LYST: variants seen among roughly 807,000 people sequenced by gnomAD.
LYST encodes lysosomal-trafficking regulator.
Under a neutral mutation model 413.6 loss-of-function variants are expected in LYST, and 192 were observed. The observed-to-expected ratio is 0.46, with a 90% CI of 0.41 to 0.52. LYST has a LOEUF of 0.52. Ranked by LOEUF, LYST falls within the 20% of genes least tolerant of loss-of-function variation. LYST has a pLI of 0.00. For synonymous variants in LYST, 1,525 were observed against 1,567.3 expected (o/e 0.97, Z 0.64); for missense variants, 3,815 against 4,499.9 (o/e 0.85, Z 4.35).
chr1:235,810,149 A>G lies in LYST; in HGVS notation c.669T>C (p.Asn223=), dbSNP rs775167742. The change falls in exon 5 of 53, where the codon AAT becomes AAC. Residue 223 remains asparagine, a synonymous_variant. Transcript: ENST00000389793. ...QTPPDAMALE[N]SREIIPRQGS... is the part of the protein sequence containing the mutation. ...CCTGTCTTGGAATAATCTCTCTGGA[A>G]TTTTCCAAAGCCATAGCATCTGGAG... 6.2e-7 allele frequency: 1 copy of G among 1,614,150 alleles called. No homozygotes were observed. Among genetic ancestry groups the G allele is most frequent in the Non-Finnish European group, 8.5e-7 (1 of 1,179,998 alleles).
chr1:235,712,079 T>C lies in LYST; in HGVS notation c.9903A>G (p.Pro3301=). ...KELIPEFFYL[P]EFLVNREGFD... ...TACCTTCACGGTTAACTAGGAACTCTGGAAGATAGAAAAACTCTGGGATAA... is the reference window on the plus strand; with the variant it reads ...TACCTTCACGGTTAACTAGGAACTCCGGAAGATAGAAAAACTCTGGGATAA... The change falls in exon 43 of 53, where the codon CCA becomes CCG. Residue 3301 remains proline (P), a synonymous_variant. Transcript: ENST00000389793. 1 of 1,546,710 alleles carries C rather than the reference T, an allele frequency of 6.5e-7. No homozygotes were observed. The highest frequency in any genetic ancestry group is 1.2e-5 in the South Asian group (1 of 83,544).
intron 31 of LYST, chr1:235,738,366 A>G: frequency 6.2e-7 from 1 of 1,612,746 alleles, no homozygotes; most frequent in Non-Finnish European, 8.5e-7. Context: ...ATCATTCCTA[A>G]TGTTGTAAAA....
intron 10 of LYST, among the ~76,000 whole-genome samples, chr1:235,795,312 C>T (rs1671441858): frequency 6.6e-6 from 1 of 152,182 alleles, no homozygotes; most frequent in East Asian, 1.9e-4. Flanking sequence ...CAGGTGTATA[C>T]AGGCTTTTAG....
chr1:235,821,302 T>C (rs551350186), intron 3 of LYST, among the ~76,000 whole-genome samples: 7 of 152,264 alleles, frequency 4.6e-5, no homozygotes, highest in African/African-American at 1.7e-4. Flanking sequence ...CTGGGCATAG[T>C]GATACATGCC....
Position 235,759,568 on chromosome 1 carries a change from C to A in LYST, c.6285G>T (p.Gln2095His). Reference sequence around the variant, plus strand: ...TAGAACGCAGCATATGGGCGGCCATCTGTTGTGGAATAATATTAGAGGAAT... The same window carrying A: ...TAGAACGCAGCATATGGGCGGCCATATGTTGTGGAATAATATTAGAGGAAT... ...GENSSNIIPQ[Q>H]MAAHMLRSRS... Residue 2095 changes from glutamine to histidine, a missense_variant, in exon 23 of 53, where the codon CAG (glutamine) becomes CAT (histidine). Around this residue, in one of 4 missense-constraint regions of LYST, gnomAD observed 530 missense variants for 696.5 expected, o/e 0.76. Transcript: ENST00000389793. The A allele has an allele frequency of 6.2e-7, 1 of 1,613,506 alleles. No homozygotes were observed. Among genetic ancestry groups the A allele is most frequent in the Non-Finnish European group, 8.5e-7 (1 of 1,179,568 alleles).
intron 45 of LYST, among the ~76,000 whole-genome samples, chr1:235,697,596 T>C (rs1305406114): frequency 6.6e-6 from 1 of 152,214 alleles, no homozygotes; most frequent in Non-Finnish European, 1.5e-5. Flanking sequence ...CTAAAGTTGA[T>C]ACTTACTGGA....
At chr1:235,791,341 C>T (rs192338243) in intron 12 of LYST, among the ~76,000 whole-genome samples, 14 of 151,748 alleles carry the variant, frequency 9.2e-5, no homozygotes, top group African/African-American at 3.4e-4. Flanking sequence ...TGGGAAACAA[C>T]AGAAAGAAAG....
chr1:235,867,961 A>T (rs1001451976), upstream of LYST, among the ~76,000 whole-genome samples: 1 of 152,188 alleles, frequency 6.6e-6, no homozygotes, highest in Non-Finnish European at 1.5e-5. Context: ...TATATACCAA[A>T]TGTTACTCCC....
chr1:235,723,749 G>A (rs1022091910), intron 39 of LYST, among the ~76,000 whole-genome samples: 50 of 152,162 alleles, frequency 3.3e-4, no homozygotes, highest in Non-Finnish European at 2.1e-4. Context: ...AATGGTGGCC[G>A]AAGGGATTAG....
upstream of LYST, chr1:235,866,947 A>T (rs967439742): frequency 1.7e-4 from 13 of 77,210 alleles, 1 homozygote; most frequent in Admixed American, 1.5e-3. Flanking sequence ...CCGCCCGCCC[A>T]GGTAACCCAG....
chr1:235,810,581 A>G, intron 4 of LYST, 47 bp from the exon 5 acceptor site: 3 of 1,546,062 alleles, frequency 1.9e-6, no homozygotes, highest in Non-Finnish European at 1.8e-6. Context: ...ATATGTTTTA[A>G]AACTCAATTT....
chr1:235,687,554 T>G (rs934778752), intron 47 of LYST, among the ~76,000 whole-genome samples: 2 of 152,148 alleles, frequency 1.3e-5, no homozygotes, highest in African/African-American at 4.8e-5. Flanking sequence ...AAAGATGGGA[T>G]TATGCCTTTG....
chr1:235,875,644 T>C (rs1681101738), intron 1 of LYST, among the ~76,000 whole-genome samples: 1 of 152,080 alleles, frequency 6.6e-6, no homozygotes, highest in Non-Finnish European at 1.5e-5. Flanking sequence ...ATAAGAACTG[T>C]GCTACAGCCT....
chr1:235,787,542 T>C (rs1159665343), intron 13 of LYST, among the ~76,000 whole-genome samples, 169 bp from the exon 14 acceptor site: 1 of 152,188 alleles, frequency 6.6e-6, no homozygotes, highest in Non-Finnish European at 1.5e-5. Context: ...ATAAGTTACT[T>C]AGTTATTCTA....
At chr1:235,748,218 T>C (rs987005940) in intron 28 of LYST, among the ~76,000 whole-genome samples, 4 of 152,206 alleles carry the variant, frequency 2.6e-5, no homozygotes, top group African/African-American at 7.2e-5. Flanking sequence ...TGCGAGTGCA[T>C]GGCAATTTAA....
intron 47 of LYST, among the ~76,000 whole-genome samples, chr1:235,692,567 A>T (rs1660746012): frequency 6.6e-6 from 1 of 151,952 alleles, no homozygotes; most frequent in Admixed American, 6.5e-5. Flanking sequence ...TATTTTTAGT[A>T]GAGATGGGTT....
rs757224472 is a variant in LYST, at chr1:235,788,890, C to G, written c.4544-45G>C. ...GAATGATCAGTAAAATGGTTCGTAA[C>G]AACTGAGTAGAAAAGTGAATTTAGA... On this transcript the variant is annotated intron_variant, in intron 12 of 52. Transcript: ENST00000389793. 6 of 1,572,198 alleles carry G rather than the reference C, an allele frequency of 3.8e-6. No individual in the cohort carries two copies. In the African/African-American group the frequency reaches 8.1e-5, roughly 21 times the overall value.
Position 235,810,221 on chromosome 1 carries a change from G to A in LYST, c.597C>T (p.Asp199=). The A allele has an allele frequency of 6.2e-7, 1 of 1,614,054 alleles. No individual in the cohort carries two copies. Among genetic ancestry groups the A allele is most frequent in the Non-Finnish European group, 8.5e-7 (1 of 1,179,980 alleles). The change falls in exon 5 of 53, where the codon GAC becomes GAT. Residue 199 remains aspartate, a synonymous_variant. Coordinates refer to ENST00000389793, the MANE Select transcript of LYST (RefSeq NM_000081.4). ...HHFLTSFPKQ[D]HPKAKLDRLA... ...AGCGGTCAAGTTTAGCTTTGGGGTG[G>A]TCTTGTTTAGGAAACGATGTTAAAA... is the stretch of plus-strand genomic sequence containing the variant.
chr1:235,791,618 C>T (rs928330874), intron 12 of LYST, 81 bp downstream of exon 12: 1 of 1,173,280 alleles, frequency 8.5e-7, no homozygotes, highest in Non-Finnish European at 1.3e-6. Context: ...GTTAAGAACA[C>T]TACCACATTT....
Sources: allele counts gnomAD v4.1 joint callset (sites outside exome capture counted in the v4.1 genomes callset), GRCh38; gene constraint gnomAD v4.1.1; regional missense constraint gnomAD v4.1.1; transcripts MANE v1.5; gene names NCBI Gene and HGNC (gene_info 2026-07-23, HGNC 2026-07-21).